CACNA1E: variants seen among roughly 807,000 people sequenced by gnomAD.
The protein encoded by CACNA1E is calcium voltage-gated channel subunit alpha1 E, also known as voltage-dependent R-type calcium channel subunit alpha-1E.
In CACNA1E, 40 loss-of-function variants were observed where a neutral mutation model predicts 259.2. The observed-to-expected ratio is 0.15, with a 90% CI of 0.12 to 0.20. The LOEUF (loss-of-function observed/expected upper bound fraction) is 0.20, where lower values mean the gene tolerates loss of function less well. CACNA1E is among the 10% of genes least tolerant of loss of function. The pLI is 1.00. For synonymous variants in CACNA1E, 1,104 were observed against 1,138.5 expected (o/e 0.97, Z 0.61); for missense variants, 1,874 against 3,040.1 (o/e 0.62, Z 9.02).
intron 6 of CACNA1E, among the ~76,000 whole-genome samples, chr1:181,644,935 T>C (rs1658127310): frequency 6.6e-6 from 1 of 152,126 alleles, no homozygotes; most frequent in Admixed American, 6.5e-5. Context: ...AGCTGGTCTG[T>C]CAGGCAAGGG....
upstream of CACNA1E, chr1:181,483,448 C>T (rs952416011): frequency 1.9e-5 from 5 of 270,108 alleles, no homozygotes; most frequent in East Asian, 1.9e-4. Context: ...AAATATTTTC[C>T]TCCAGAAACT....
Position 181,655,132 on chromosome 1 carries a change from C to T in CACNA1E, c.1055+3691C>T, listed in dbSNP as rs1406124619. ...TGAAAATACATTCAAATCAAAGGCA[C>T]ATTTTGAATGTATTATAATTTTTTT... On this transcript the variant is annotated intron_variant, in intron 7 of 47. Coordinates refer to ENST00000367573, the MANE Select transcript of CACNA1E (RefSeq NM_001205293.3). Among the ~76,000 whole-genome samples the T allele has an allele frequency of 2.6e-5, 4 of 151,940 alleles. No homozygotes were observed. In the East Asian group the frequency reaches 7.7e-4, roughly 29 times the overall value.
chr1:181,331,481 C>T (rs1651257437), intron 1 of CACNA1E, among the ~76,000 whole-genome samples: 1 of 152,062 alleles, frequency 6.6e-6, no homozygotes, highest in Non-Finnish European at 1.5e-5. Flanking sequence ...AGAGTGTATC[C>T]CAGCTCCAGG....
chr1:181,620,647 T>C (rs776864731), intron 6 of CACNA1E, among the ~76,000 whole-genome samples: 2 of 152,194 alleles, frequency 1.3e-5, no homozygotes, highest in African/African-American at 2.4e-5. Context: ...GTAGAAGACT[T>C]GGAGAGTTCC....
At chr1:181,698,946 T>C (rs1409099517) in intron 7 of CACNA1E, among the ~76,000 whole-genome samples, 1 of 152,066 alleles carries the variant, frequency 6.6e-6, no homozygotes, top group Non-Finnish European at 1.5e-5. Context: ...CAGCAGAAAA[T>C]ATTTAAGCTG....
At chr1:181,469,447 G>A (rs1231233493) in intron 2 of CACNA1E, among the ~76,000 whole-genome samples, 1 of 151,994 alleles carries the variant, frequency 6.6e-6, no homozygotes, top group South Asian at 2.1e-4. Context: ...AGAGAAAGAG[G>A]ATGAGTTTGC....
At chr1:181,776,000 T>G in intron 37 of CACNA1E, 101 bp from the exon 38 acceptor site, 1 of 1,125,684 alleles carries the variant, frequency 8.9e-7, no homozygotes, top group African/African-American at 1.6e-5. Context: ...TTCTGGCTCG[T>G]TTGCTAAAAC....
At chr1:181,534,673 AAAG>A (rs1195135021) in intron 3 of CACNA1E, among the ~76,000 whole-genome samples, 3 of 152,230 alleles carry the variant, frequency 2.0e-5, no homozygotes, top group Non-Finnish European at 4.4e-5. Context: ...AAAAATAAGA[AAAG>A]AAGTAGTAGG....
In CACNA1E at chr1:181,752,127, G is replaced by T. The variant is rs1193621893; in HGVS notation, c.3732-16G>T. The T allele has an allele frequency of 2.5e-6, 4 of 1,570,616 alleles. No individual in the cohort carries two copies. The highest frequency in any genetic ancestry group is 3.5e-6 in the Non-Finnish European group (4 of 1,140,386). ...CCCCCATTCCATATGATTCCCTGGG[G>T]GCCTCTCCCCTGCAGAACCAACAAA... On this transcript the variant is annotated splice_polypyrimidine_tract_variant and intron_variant, in intron 26 of 47. Coordinates refer to ENST00000367573, the MANE Select transcript of CACNA1E (RefSeq NM_001205293.3).
At chr1:181,421,909 G>T (rs562217077) in intron 2 of CACNA1E, among the ~76,000 whole-genome samples, 18 of 152,154 alleles carry the variant, frequency 1.2e-4, no homozygotes, top group Admixed American at 1.0e-3. Flanking sequence ...GGGACAATAT[G>T]AACTCTTTTT....
intron 2 of CACNA1E, among the ~76,000 whole-genome samples, chr1:181,419,995 C>A (rs926962947): frequency 2.0e-5 from 3 of 152,146 alleles, no homozygotes; most frequent in Non-Finnish European, 4.4e-5. Context: ...AGGACAGGGG[C>A]AGCCTGGTCC....
At chr1:181,391,508 G>T (rs11807401) in intron 1 of CACNA1E, among the ~76,000 whole-genome samples, 49 of 152,278 alleles carry the variant, frequency 3.2e-4, no homozygotes, top group Middle Eastern at 3.4e-3. Context: ...TCCTGCCTGG[G>T]GGTAGCTGGG....
chr1:181,372,619 G>A (rs1466792344), intron 1 of CACNA1E, among the ~76,000 whole-genome samples: 3 of 151,968 alleles, frequency 2.0e-5, no homozygotes, highest in African/African-American at 7.2e-5. Context: ...CTATGGCTAG[G>A]ATTTCCAGTA....
intron 2 of CACNA1E, 29 bp downstream of exon 2, chr1:181,510,611 G>A: frequency 5.7e-6 from 8 of 1,410,860 alleles, no homozygotes; most frequent in South Asian, 1.1e-5. Flanking sequence ...TCTCCCCTTT[G>A]CCCCTTTTGT....
At chr1:181,641,180 A>G (rs1657713228) in intron 6 of CACNA1E, among the ~76,000 whole-genome samples, 1 of 152,198 alleles carries the variant, frequency 6.6e-6, no homozygotes, top group Non-Finnish European at 1.5e-5. Flanking sequence ...AGGTGTGCCT[A>G]ATTGCTGGGG....
intron 46 of CACNA1E, among the ~76,000 whole-genome samples, chr1:181,796,308 A>G (rs1425968532): frequency 1.3e-5 from 2 of 152,116 alleles, no homozygotes; most frequent in African/African-American, 4.8e-5. Flanking sequence ...ATTCAATAAC[A>G]TGTATTTGTC....
intron 32 of CACNA1E, among the ~76,000 whole-genome samples, chr1:181,761,260 A>G (rs1658554690): frequency 6.6e-6 from 1 of 152,242 alleles, no homozygotes; most frequent in African/African-American, 2.4e-5. Context: ...TGTTCATTAA[A>G]TGTAACTTCT....
In CACNA1E at chr1:181,798,408, C is replaced by T. The variant is rs756099099; in HGVS notation, c.6516C>T (p.Tyr2172=). Residue 2172 remains tyrosine, a synonymous_variant, in exon 48 of 48, where the codon TAC becomes TAT. Coordinates refer to ENST00000367573, the MANE Select transcript of CACNA1E (RefSeq NM_001205293.3). This position sits in a 1 kb window ranked among gnomAD's most constrained non-coding sequence, Gnocchi z 4.2. ...CAAAGCCCCGGCCCCTCCTTTCCTACAGCTCCCTGATTCGACACGCGGGCA... is the reference window on the plus strand; with the variant it reads ...CAAAGCCCCGGCCCCTCCTTTCCTATAGCTCCCTGATTCGACACGCGGGCA... The part of the protein sequence containing the change: ...VPPKPRPLLS[Y]SSLIRHAGSI... 5.5e-5 allele frequency: 88 copies of T among 1,613,532 alleles called. No individual in the cohort carries two copies. Among genetic ancestry groups the T allele is most frequent in the Non-Finnish European group, 6.6e-5 (78 of 1,179,898 alleles).
intron 37 of CACNA1E, among the ~76,000 whole-genome samples, chr1:181,773,483 A>T (rs921892744): frequency 1.3e-5 from 2 of 151,118 alleles, no homozygotes; most frequent in African/African-American, 2.5e-5. Context: ...TTCAGTAAAA[A>T]GAAAAGAATA....
Sources: gnomAD v4.1 joint callset for allele counts (sites outside exome capture counted in the v4.1 genomes callset) on GRCh38, gnomAD v4.1.1 for gene constraint, Gnocchi (gnomAD v3.1) non-coding constraint, MANE v1.5 for transcripts, NCBI Gene and HGNC (gene_info 2026-07-23, HGNC 2026-07-21) for gene names.